The following BTBD9 variants were observed in gnomAD, a reference collection of about 807,000 sequenced individuals.
The protein encoded by BTBD9 is BTB domain containing 9.
BTBD9 carries 49 observed loss-of-function variants against 64.3 expected under a neutral mutation model. The observed-to-expected ratio is 0.76, with a 90% CI of 0.61 to 0.97. The LOEUF is 0.97. Ranked by LOEUF, BTBD9 falls within the 50% of genes least tolerant of loss-of-function variation. BTBD9 has a pLI of 0.00. For synonymous variants in BTBD9, 260 were observed against 274.7 expected (o/e 0.95, Z 0.53); for missense variants, 598 against 762.1 (o/e 0.78, Z 2.53).
chr6:38,475,295 A>G (rs1770828437), intron 6 of BTBD9, among the ~76,000 whole-genome samples: 1 of 152,204 alleles, frequency 6.6e-6, no homozygotes, highest in Non-Finnish European at 1.5e-5. Context: ...AGTAATACTT[A>G]TATTCTCAGA....
chr6:38,455,970 C>A (rs940466671), intron 6 of BTBD9, among the ~76,000 whole-genome samples: 1 of 151,434 alleles, frequency 6.6e-6, no homozygotes, highest in African/African-American at 2.4e-5. Flanking sequence ...AGCCACTGCA[C>A]CTAGCCCTTT....
At chr6:38,536,802 T>C (rs1322826254) in intron 6 of BTBD9, among the ~76,000 whole-genome samples, 1 of 152,076 alleles carries the variant, frequency 6.6e-6, no homozygotes, top group Non-Finnish European at 1.5e-5. Context: ...AGTAGAATCA[T>C]GGTTACCAGA....
At chr6:38,619,203 G>A (rs572630561) in intron 1 of BTBD9, among the ~76,000 whole-genome samples, 3 of 152,076 alleles carry the variant, frequency 2.0e-5, no homozygotes, top group Non-Finnish European at 2.9e-5. Context: ...AGTCAGCCAC[G>A]GATATCAGGA....
intron 6 of BTBD9, among the ~76,000 whole-genome samples, chr6:38,445,522 C>G (rs777693849): frequency 1.8e-4 from 28 of 152,324 alleles, no homozygotes; most frequent in Admixed American, 5.9e-4. Flanking sequence ...TCCTCCAAGT[C>G]AGACTGTCTA....
chr6:38,630,341 A>G (rs1311745107), intron 1 of BTBD9, among the ~76,000 whole-genome samples: 2 of 152,208 alleles, frequency 1.3e-5, no homozygotes, highest in Non-Finnish European at 2.9e-5. Flanking sequence ...TTCATTGATA[A>G]GTCAATTGGG....
intron 6 of BTBD9, among the ~76,000 whole-genome samples, chr6:38,464,175 A>G (rs1225112662): frequency 6.6e-6 from 1 of 152,208 alleles, no homozygotes. Context: ...TTTGCAAGCC[A>G]AGGAGAGAGA....
At chr6:38,410,726 G>A (rs899780949) in intron 6 of BTBD9, among the ~76,000 whole-genome samples, 6 of 151,526 alleles carry the variant, frequency 4.0e-5, no homozygotes, top group African/African-American at 1.5e-4. Context: ...ATGCAACAGT[G>A]TGCAATGTCA....
intron 9 of BTBD9, among the ~76,000 whole-genome samples, chr6:38,249,458 G>T (rs982823218): frequency 1.1e-4 from 17 of 151,960 alleles, no homozygotes; most frequent in African/African-American, 4.1e-4. Context: ...TAGAGACTGG[G>T]TCTCACTATG....
intron 6 of BTBD9, among the ~76,000 whole-genome samples, chr6:38,449,237 G>C (rs990619392): frequency 2.0e-5 from 3 of 152,170 alleles, no homozygotes; most frequent in African/African-American, 7.2e-5. Flanking sequence ...AAAGGAAAAA[G>C]ATTTCTAAGC....
At chr6:38,365,976 C>T (rs1765170851) in intron 6 of BTBD9, among the ~76,000 whole-genome samples, 1 of 152,184 alleles carries the variant, frequency 6.6e-6, no homozygotes, top group Non-Finnish European at 1.5e-5. Context: ...CAGAGATTTT[C>T]ATTTCCATGT....
At chr6:38,489,588 T>C (rs912883006) in intron 6 of BTBD9, among the ~76,000 whole-genome samples, 4 of 152,254 alleles carry the variant, frequency 2.6e-5, no homozygotes, top group East Asian at 1.9e-4. Flanking sequence ...TGTGTGTATG[T>C]ATAATAATTT....
intron 8 of BTBD9, among the ~76,000 whole-genome samples, chr6:38,258,668 A>G (rs1300823573): frequency 6.6e-6 from 1 of 152,190 alleles, no homozygotes; most frequent in Non-Finnish European, 1.5e-5. Flanking sequence ...AGGCGGGTGG[A>G]TCATGAGATC....
chr6:38,612,216 T>C (rs1472539934), intron 1 of BTBD9, among the ~76,000 whole-genome samples: 1 of 152,228 alleles, frequency 6.6e-6, no homozygotes, highest in African/African-American at 2.4e-5. Flanking sequence ...GGGTAGGACC[T>C]ATGAAAAGCA....
chr6:38,584,157 T>C (rs766687188), intron 4 of BTBD9, among the ~76,000 whole-genome samples: 5 of 152,064 alleles, frequency 3.3e-5, no homozygotes, highest in Non-Finnish European at 7.3e-5. Flanking sequence ...CAAAACCCCA[T>C]CTCTACTAAA....
At chr6:38,321,496 T>C (rs1763228600) in intron 7 of BTBD9, among the ~76,000 whole-genome samples, 1 of 152,156 alleles carries the variant, frequency 6.6e-6, no homozygotes, top group Non-Finnish European at 1.5e-5. Flanking sequence ...AGCCCATCCA[T>C]TCGGTGAAGG....
At chr6:38,257,192 C>T (rs1028784007) in intron 8 of BTBD9, among the ~76,000 whole-genome samples, 10 of 151,140 alleles carry the variant, frequency 6.6e-5, no homozygotes, top group East Asian at 1.9e-4. Context: ...TGCGAGCCAC[C>T]GTGCCCAGCC....
At chr6:38,204,957 A>C (rs1762583741) in intron 9 of BTBD9, among the ~76,000 whole-genome samples, 1 of 152,212 alleles carries the variant, frequency 6.6e-6, no homozygotes, top group Non-Finnish European at 1.5e-5. Flanking sequence ...GTGCTCTTGT[A>C]AATTAAAACT....
At chr6:38,468,093 C>T (rs1391064890) in intron 6 of BTBD9, among the ~76,000 whole-genome samples, 2 of 152,058 alleles carry the variant, frequency 1.3e-5, no homozygotes, top group Non-Finnish European at 2.9e-5. Flanking sequence ...CTTTCCAGTA[C>T]ATTTTTCTTA....
chr6:38,631,449 T>C (rs1317158502), intron 1 of BTBD9, among the ~76,000 whole-genome samples: 1 of 152,352 alleles, frequency 6.6e-6, no homozygotes, highest in East Asian at 1.9e-4. Context: ...AGTGCCACGT[T>C]ATAACAAATC....
Sources: gnomAD v4.1 joint callset for allele counts (sites outside exome capture counted in the v4.1 genomes callset) on GRCh38, gnomAD v4.1.1 for gene constraint, MANE v1.5 for transcripts, NCBI Gene and HGNC (gene_info 2026-07-23, HGNC 2026-07-21) for gene names.